Variants in ZC3HAV1 observed in about 807,000 individuals in gnomAD.
The protein encoded by ZC3HAV1 is zinc finger CCCH-type antiviral protein 1.
In ZC3HAV1, 41 loss-of-function variants were observed where a neutral mutation model predicts 86.6. That is an observed-to-expected ratio of 0.47 (90% confidence interval 0.37 to 0.61). ZC3HAV1 has a LOEUF of 0.61. Among genes scored for constraint, ZC3HAV1 ranks in the 20% least tolerant of loss-of-function variants. ZC3HAV1 has a pLI of 0.00. For synonymous variants in ZC3HAV1, 421 were observed against 432.1 expected (o/e 0.97, Z 0.32); for missense variants, 964 against 1,141.1 (o/e 0.84, Z 2.24).
chr7:139,053,849 C>A (rs933260004), intron 11 of ZC3HAV1, 116 bp downstream of exon 11: 3 of 1,155,550 alleles, frequency 2.6e-6, no homozygotes, highest in South Asian at 3.3e-5. Flanking sequence ...AAAAGACTAG[C>A]GCCTAAAGGA....
intron 6 of ZC3HAV1, 46 bp downstream of exon 6, chr7:139,076,240 T>A (rs997257251): frequency 6.2e-7 from 1 of 1,612,962 alleles, no homozygotes; most frequent in African/African-American, 1.3e-5. Flanking sequence ...TGCTTCCCTT[T>A]GATAATGTTG....
intron 1 of ZC3HAV1, among the ~76,000 whole-genome samples, chr7:139,101,504 G>C (rs1307057477): frequency 9.8e-6 from 1 of 101,996 alleles, no homozygotes; most frequent in African/African-American, 3.9e-5. Flanking sequence ...CACCCCGTCT[G>C]GGAGGTGTAC....
chr7:139,106,251 T>C (rs538473022), intron 1 of ZC3HAV1, among the ~76,000 whole-genome samples: 1 of 152,298 alleles, frequency 6.6e-6, no homozygotes, highest in Admixed American at 6.5e-5. Context: ...AAAACTAAAA[T>C]TTCTAAGCAT....
chr7:139,109,391 A>G lies in ZC3HAV1; in HGVS notation c.-60T>C. On this transcript the variant is annotated 5_prime_UTR_variant, in exon 1 of 13. Transcript: ENST00000242351. ...GGACTCGGTTCCGCGGAAATCGGAA[A>G]TCGAAACTTACAAGTGTCCAGGGGC... is the stretch of plus-strand genomic sequence containing the variant. The G allele has an allele frequency of 1.4e-6, 2 of 1,474,458 alleles. No individual in the cohort carries two copies. The highest frequency in any genetic ancestry group is 1.4e-5 in the African/African-American group (1 of 71,468). 91.3% of individuals were successfully genotyped at this position (1,474,458 alleles called of 1,614,324 possible). A position where few individuals can be genotyped will look rare whatever the true frequency, so the allele number is the denominator to read the frequency against.
chr7:139,108,538 C>T lies in ZC3HAV1; in HGVS notation c.308+486G>A, dbSNP rs1341680817. 1.3e-5 allele frequency among the ~76,000 whole-genome samples: 2 copies of T among 152,174 alleles called. No individual in the cohort carries two copies. Among genetic ancestry groups the T allele is most frequent in the Non-Finnish European group, 2.9e-5 (2 of 68,038 alleles). On this transcript the variant is annotated intron_variant, in intron 1 of 12. Coordinates refer to ENST00000242351, the MANE Select transcript of ZC3HAV1 (RefSeq NM_020119.4). The surrounding 1 kb of genome is among the most constrained non-coding windows in gnomAD (Gnocchi z 4.2). Reference sequence around the variant, plus strand: ...AGGGAGGGACAAGCAGAGAGACCTGCGGCTCGCTCCGGCGGAGACGGACCG... The same window carrying T: ...AGGGAGGGACAAGCAGAGAGACCTGTGGCTCGCTCCGGCGGAGACGGACCG...
At position 139,103,257 on chromosome 7, in the gene ZC3HAV1, AT is replaced by A. The variant is rs567390902; in HGVS notation, c.308+5766del. Among the ~76,000 whole-genome samples, 41 of 148,304 alleles carry A rather than the reference AT, an allele frequency of 2.8e-4. No homozygotes were observed. The South Asian group carries it at 7.6e-3, about 27-fold the overall frequency. On this transcript the variant is annotated intron_variant, in intron 1 of 12. Transcript: ENST00000242351. ...TTTTTATTTATTTTACTTGTTTTTT[AT>A]TTTTTTATTTTTTTATTTTTTTTTT...
chr7:139,094,182 C>T (rs191312977), intron 1 of ZC3HAV1, among the ~76,000 whole-genome samples: 4 of 152,188 alleles, frequency 2.6e-5, no homozygotes, highest in African/African-American at 9.6e-5. Context: ...CATTAGATTC[C>T]TGGGCCCCCA....
intron 4 of ZC3HAV1, chr7:139,079,045 C>CAT: frequency 6.5e-7 from 1 of 1,527,228 alleles, no homozygotes; most frequent in South Asian, 1.2e-5. Context: ...AACCACCAGC[C>CAT]ATAGCCACTC....
rs1279714936 is a variant in ZC3HAV1, at chr7:139,047,801, A to G, written c.2502T>C (p.Asp834=). 1 of 1,614,046 alleles carries G rather than the reference A, an allele frequency of 6.2e-7. No individual in the cohort carries two copies. Among genetic ancestry groups the G allele is most frequent in the Non-Finnish European group, 8.5e-7 (1 of 1,180,000 alleles). ...AIYSHKNCPY[D]AKNVVMFVAQ... is the part of the protein sequence containing the mutation. ...CTACAAACATAACGACGTTTTTGGC[A>G]TCATACGGGCAATTTTTGTGGGAAT... The change falls in exon 13 of 13, where the codon GAT becomes GAC. Residue 834 remains aspartate (D), a synonymous_variant. Coordinates refer to ENST00000242351, the MANE Select transcript of ZC3HAV1 (RefSeq NM_020119.4).
intron 1 of ZC3HAV1, among the ~76,000 whole-genome samples, chr7:139,101,495 A>AGGTGAGGAGCGTCTCTGCCCGGCAGCC (rs1817768302): frequency 9.9e-6 from 1 of 100,516 alleles, no homozygotes. Context: ...CCCGGCCACC[A>AGGTGAGGAGCGTCTCTGCCCGGCAGCC]CCCCGTCTGG....
rs528084678 is a variant in ZC3HAV1 at position 139,086,859 on chromosome 7, G to A, written c.444+2765C>T. Among the ~76,000 whole-genome samples the A allele has an allele frequency of 1.4e-4, 22 of 152,194 alleles. No individual in the cohort carries two copies. In the Middle Eastern group the frequency reaches 0.01, roughly 71 times the overall value. ...CCATGTAAGATGTTCCTGTTTTGCC[G>A]TCCACCACGATTGTAAGCTTCATGA... On this transcript the variant is annotated intron_variant, in intron 2 of 12. Transcript: ENST00000242351.
intron 1 of ZC3HAV1, among the ~76,000 whole-genome samples, chr7:139,100,706 C>T (rs552310206): frequency 6.6e-6 from 1 of 152,300 alleles, no homozygotes; most frequent in South Asian, 2.1e-4. Context: ...AAACACACTT[C>T]GGAAAACAAT....
chr7:139,089,101 C>CAAAAA (rs1195760878), intron 2 of ZC3HAV1, among the ~76,000 whole-genome samples: 3 of 20,688 alleles, frequency 1.5e-4, no homozygotes, highest in Admixed American at 5.6e-4. Context: ...GACTCCATCT[C>CAAAAA]AAAAAAAAAA....
intron 2 of ZC3HAV1, among the ~76,000 whole-genome samples, chr7:139,088,779 T>A (rs928496426): frequency 6.6e-6 from 1 of 152,172 alleles, no homozygotes; most frequent in South Asian, 2.1e-4. Context: ...CATAAACGAA[T>A]AGGTGTGGTT....
chr7:139,106,038 T>C (rs1563144022), intron 1 of ZC3HAV1, among the ~76,000 whole-genome samples: 1 of 152,112 alleles, frequency 6.6e-6, no homozygotes, highest in Non-Finnish European at 1.5e-5. Context: ...TGCCAATAAA[T>C]GTTAGGAAAT....
At position 139,108,930 on chromosome 7, in the gene ZC3HAV1, C is replaced by G. The variant is rs766955152; in HGVS notation, c.308+94G>C. 1.1e-5 allele frequency: 16 copies of G among 1,426,090 alleles called. No individual in the cohort carries two copies. The African/African-American group carries it at 1.9e-4, about 17-fold the overall frequency. 88.3% of individuals were successfully genotyped at this position (1,426,090 alleles called of 1,614,324 possible). A position where few individuals can be genotyped will look rare whatever the true frequency, so the allele number is the denominator to read the frequency against. On this transcript the variant is annotated intron_variant, in intron 1 of 12. Transcript: ENST00000242351. This position sits in a 1 kb window ranked among gnomAD's most constrained non-coding sequence, Gnocchi z 4.2. ...GCGGAGGCTGTCAGGTGCGGGGTCC[C>G]GGCGAAGCCGTGCCCCTCCCAGAAC...
intron 2 of ZC3HAV1, 130 bp from the exon 3 acceptor site, chr7:139,084,162 T>A: frequency 1.6e-6 from 2 of 1,241,338 alleles, no homozygotes; most frequent in Non-Finnish European, 2.2e-6. Flanking sequence ...GAAAAATACA[T>A]GCATATTCTG....
At chr7:139,058,445 C>A (rs951188760) in intron 9 of ZC3HAV1, among the ~76,000 whole-genome samples, 6 of 145,358 alleles carry the variant, frequency 4.1e-5, no homozygotes, top group Non-Finnish European at 7.5e-5. Flanking sequence ...CCCCAACCCC[C>A]CCCCCCCCCA....
intron 1 of ZC3HAV1, among the ~76,000 whole-genome samples, chr7:139,107,697 G>A (rs1453094161): frequency 6.6e-6 from 1 of 152,194 alleles, no homozygotes; most frequent in African/African-American, 2.4e-5. Flanking sequence ...CAGCTACTCG[G>A]GAGGCTGAGG....
Sources: allele counts gnomAD v4.1 joint callset (sites outside exome capture counted in the v4.1 genomes callset), GRCh38; gene constraint gnomAD v4.1.1; non-coding constraint Gnocchi (gnomAD v3.1); transcripts MANE v1.5; gene names NCBI Gene and HGNC (gene_info 2026-07-23, HGNC 2026-07-21).